The following SI variants were observed in gnomAD, a reference collection of about 807,000 sequenced individuals.
The protein encoded by SI is sucrase-isomaltase, intestinal.
A neutral mutation model predicts 253.3 loss-of-function variants in SI; 235 were observed. That is an observed-to-expected ratio of 0.93 (90% CI 0.83 to 1.03). The LOEUF is 1.03. Among genes scored for constraint, SI ranks in the 50% least tolerant of loss-of-function variants. The pLI, the probability that SI is intolerant of heterozygous loss-of-function variation, is 0.00. For synonymous variants in SI, 819 were observed against 712.0 expected, an observed-to-expected ratio of 1.15 and a Z score of -2.39; for missense variants, 2,442 against 2,211.1, an observed-to-expected ratio of 1.10 and a Z score of -2.09.
intron 9 of SI, among the ~76,000 whole-genome samples, chr3:165,061,532 A>C (rs906813064): frequency 2.6e-5 from 4 of 152,008 alleles, no homozygotes; most frequent in African/African-American, 9.7e-5. Flanking sequence ...CCTAATTTAA[A>C]ATTTTTTATA....
rs775308282 is a variant in SI at position 165,065,415 on chromosome 3, C to A, written c.653G>T (p.Gly218Val). The change falls in exon 7 of 48, where the codon GGT becomes GTT. Residue 218 changes from glycine (G) to valine (V), a missense_variant. Gly to Val is a moderately radical substitution (Grantham distance 109). Transcript: ENST00000264382. ...GTACTGGTCAGAGTACACTAAGGGA[C>A]CAATGCTGGTGTCAAACCTGCACCA... The part of the protein sequence containing the change: ...NGKTLFDTSI[G>V]PLVYSDQYLQ... The A allele has an allele frequency of 3.0e-5, 45 of 1,524,270 alleles. 1 individual carries two copies. The highest frequency in any genetic ancestry group is 3.6e-5 in the Non-Finnish European group (40 of 1,122,062). 94.4% of individuals were successfully genotyped at this position (1,524,270 alleles called of 1,614,324 possible). A position where few individuals can be genotyped will look rare whatever the true frequency, so the allele number is the denominator to read the frequency against.
At chr3:165,075,582 G>A (rs1053356932) in intron 2 of SI, among the ~76,000 whole-genome samples, 7 of 152,016 alleles carry the variant, frequency 4.6e-5, no homozygotes, top group Non-Finnish European at 1.0e-4. Context: ...CCACTAATGA[G>A]ATGATGCTCA....
intron 22 of SI, among the ~76,000 whole-genome samples, chr3:165,034,801 A>G (rs1053797861): frequency 6.6e-6 from 1 of 152,044 alleles, no homozygotes; most frequent in African/African-American, 2.4e-5. Context: ...AAAATGGAGG[A>G]TCATTAGAAG....
At chr3:164,984,831 C>T (rs1349364932) in intron 45 of SI, among the ~76,000 whole-genome samples, 1 of 152,060 alleles carries the variant, frequency 6.6e-6, no homozygotes, top group African/African-American at 2.4e-5. Context: ...AGATTGGATG[C>T]CCATCAACTA....
intron 13 of SI, among the ~76,000 whole-genome samples, chr3:165,051,641 TAA>T (rs1300275898): frequency 2.0e-5 from 3 of 152,060 alleles, no homozygotes; most frequent in East Asian, 1.9e-4. Context: ...TTTTAAATTT[TAA>T]AAGAGTCTTT....
intron 6 of SI, among the ~76,000 whole-genome samples, chr3:165,067,060 G>A (rs1714282274): frequency 6.6e-6 from 1 of 151,912 alleles, no homozygotes; most frequent in Non-Finnish European, 1.5e-5. Flanking sequence ...AGACACAAGA[G>A]CTATTCTAGG....
At chr3:165,009,583 C>T (rs1576882633) in intron 34 of SI, among the ~76,000 whole-genome samples, 188 bp from the exon 35 acceptor site, 1 of 135,656 alleles carries the variant, frequency 7.4e-6, no homozygotes, top group Admixed American at 6.8e-5. Context: ...AGAGGGACAT[C>T]GGTGGAGATA....
intron 27 of SI, 27 bp downstream of exon 27, chr3:165,021,202 T>C (rs778184315): frequency 6.9e-6 from 11 of 1,595,268 alleles, no homozygotes; most frequent in Non-Finnish European, 9.5e-6. Context: ...TAAAATATCC[T>C]TTATATCAAA....
chr3:165,032,701 A>G lies in SI; in HGVS notation c.2566-9T>C. On this transcript the variant is annotated splice_polypyrimidine_tract_variant and intron_variant, in intron 23 of 47. Transcript: ENST00000264382. ...ACAATATCTAATGTGTTCTGAGAAA[A>G]ATAGTATAAGATATTATATATTAGG... 3.8e-6 allele frequency: 6 copies of G among 1,561,956 alleles called. No individual in the cohort carries two copies. The highest frequency in any genetic ancestry group is 5.3e-6 in the Non-Finnish European group (6 of 1,135,796).
chr3:164,993,145 A>G (rs1559980119), intron 41 of SI, among the ~76,000 whole-genome samples: 1 of 151,826 alleles, frequency 6.6e-6, no homozygotes, highest in South Asian at 2.1e-4. Context: ...AAACCGAGGT[A>G]ATCTCAATAG....
At chr3:165,059,142 T>C in intron 11 of SI, 26 bp downstream of exon 11, 1 of 1,611,774 alleles carries the variant, frequency 6.2e-7, no homozygotes, top group Non-Finnish European at 8.5e-7. Flanking sequence ...ACACTAAAAA[T>C]GTATTAAGGT....
chr3:165,077,948 C>A (rs1576931577), intron 1 of SI, among the ~76,000 whole-genome samples: 1 of 151,168 alleles, frequency 6.6e-6, no homozygotes, highest in East Asian at 1.9e-4. Context: ...ATATTGATAC[C>A]CTTTCTCTGC....
At chr3:165,060,592 T>C (rs978460308) in intron 9 of SI, among the ~76,000 whole-genome samples, 2 of 151,784 alleles carry the variant, frequency 1.3e-5, no homozygotes, top group African/African-American at 4.8e-5. Context: ...GCTTCATTTC[T>C]TCCTCCTGGG....
intron 25 of SI, among the ~76,000 whole-genome samples, chr3:165,029,632 T>C (rs572707396): frequency 5.5e-5 from 5 of 91,310 alleles, no homozygotes; most frequent in Non-Finnish European, 7.7e-5. Flanking sequence ...AACATTAGCC[T>C]TATATATATA....
At chr3:165,062,568 T>C in intron 8 of SI, 85 bp from the exon 9 acceptor site, 1 of 714,198 alleles carries the variant, frequency 1.4e-6, no homozygotes, top group Non-Finnish European at 2.6e-6. Flanking sequence ...AATTAATTTG[T>C]ATTAACTACA....
intron 13 of SI, 75 bp from the exon 14 acceptor site, chr3:165,049,950 T>C: frequency 1.1e-6 from 1 of 922,534 alleles, no homozygotes; most frequent in Non-Finnish European, 1.8e-6. Context: ...CTCTAGTTGT[T>C]TGAAAATGTT....
intron 15 of SI, among the ~76,000 whole-genome samples, chr3:165,048,161 G>T (rs1713220618): frequency 6.6e-6 from 1 of 151,916 alleles, no homozygotes; most frequent in Admixed American, 6.6e-5. Flanking sequence ...ATACAAATTT[G>T]AATAAACACT....
chr3:165,073,957 CTG>C (rs1401632969), intron 3 of SI, among the ~76,000 whole-genome samples: 1 of 151,990 alleles, frequency 6.6e-6, no homozygotes, highest in Non-Finnish European at 1.5e-5. Flanking sequence ...CCATGAAGGA[CTG>C]TACATATACA....
intron 17 of SI, among the ~76,000 whole-genome samples, chr3:165,042,370 A>C (rs1712882529): frequency 2.0e-5 from 3 of 152,150 alleles, no homozygotes; most frequent in African/African-American, 7.2e-5. Flanking sequence ...GTGTGTGAAC[A>C]CTGAACGGTT....
Sources: allele counts gnomAD v4.1 joint callset (sites outside exome capture counted in the v4.1 genomes callset), GRCh38; gene constraint gnomAD v4.1.1; transcripts MANE v1.5; gene names NCBI Gene and HGNC (gene_info 2026-07-23, HGNC 2026-07-21).